HECW1: variants seen among roughly 807,000 people sequenced by gnomAD.
HECW1 encodes the protein E3 ubiquitin-protein ligase HECW1.
HECW1 carries 61 observed loss-of-function variants against 182.3 expected under a neutral mutation model. The observed-to-expected ratio is 0.33, with a 90% CI of 0.27 to 0.41. HECW1 has a LOEUF of 0.41. Ranked by LOEUF, HECW1 falls within the 10% of genes least tolerant of loss-of-function variation. The pLI, the probability that HECW1 is intolerant of heterozygous loss-of-function variation, is 1.00. For synonymous variants in HECW1, 859 were observed against 832.6 expected (o/e 1.03, Z -0.55); for missense variants, 1,739 against 2,108.9 (o/e 0.82, Z 3.44).
At chr7:43,308,307 TA>T (rs1048924319) in intron 3 of HECW1, among the ~76,000 whole-genome samples, 3 of 129,506 alleles carry the variant, frequency 2.3e-5, no homozygotes, top group African/African-American at 8.7e-5. Flanking sequence ...TTATATGATA[TA>T]TTTATATATT....
At chr7:43,453,497 T>C (rs2077302625) in intron 12 of HECW1, among the ~76,000 whole-genome samples, 1 of 152,208 alleles carries the variant, frequency 6.6e-6, no homozygotes, top group South Asian at 2.1e-4. Context: ...CATCCTGTGT[T>C]TGAGATGTCA....
At chr7:43,393,202 C>CA (rs758574351) in intron 6 of HECW1, among the ~76,000 whole-genome samples, 6 of 152,080 alleles carry the variant, frequency 3.9e-5, no homozygotes, top group Non-Finnish European at 7.4e-5. Flanking sequence ...CAACAGGACC[C>CA]AGCACCAAGC....
At chr7:43,153,049 A>G (rs7807881) in intron 2 of HECW1, among the ~76,000 whole-genome samples, 111,017 of 152,082 alleles carry the variant, frequency 0.73, 40,817 homozygotes, top group South Asian at 0.87. Context: ...CTTTCCCTAT[A>G]TACACCTTCT....
chr7:43,416,374 C>T (rs899740766), intron 8 of HECW1, among the ~76,000 whole-genome samples: 4 of 151,176 alleles, frequency 2.6e-5, no homozygotes, highest in African/African-American at 7.3e-5. Flanking sequence ...CTTGAGGAGG[C>T]AGTCTGCCGG....
intron 2 of HECW1, among the ~76,000 whole-genome samples, chr7:43,187,173 C>T (rs1276956690): frequency 6.6e-6 from 1 of 152,230 alleles, no homozygotes. Flanking sequence ...TAGGGCTGCT[C>T]AGTTGCCCTC....
chr7:43,201,692 C>G (rs1397375960), intron 2 of HECW1, among the ~76,000 whole-genome samples: 3 of 152,198 alleles, frequency 2.0e-5, no homozygotes, highest in Non-Finnish European at 1.5e-5. Context: ...CTCCTAGACT[C>G]TAGACTAGGG....
At chr7:43,476,740 A>C (rs369097486) in intron 16 of HECW1, among the ~76,000 whole-genome samples, 21 of 152,242 alleles carry the variant, frequency 1.4e-4, no homozygotes, top group African/African-American at 4.8e-4. Flanking sequence ...CTCTCTGAGA[A>C]AACTGTCAAA....
At chr7:43,222,685 A>T (rs552210276) in intron 2 of HECW1, among the ~76,000 whole-genome samples, 1 of 152,162 alleles carries the variant, frequency 6.6e-6, no homozygotes, top group Non-Finnish European at 1.5e-5. Context: ...TAGTCTGGAA[A>T]CCTGACATGT....
intron 2 of HECW1, among the ~76,000 whole-genome samples, chr7:43,158,752 C>A (rs775349606): frequency 1.3e-5 from 2 of 152,188 alleles, no homozygotes; most frequent in Non-Finnish European, 2.9e-5. Context: ...CAGTTACCAT[C>A]CCCTTGAGAC....
Position 43,563,874 on chromosome 7 carries a change from A to T in HECW1, c.*1948A>T, listed in dbSNP as rs35196555. The T allele has an allele frequency of 0.017, 3,086 of 181,380 alleles. 40 individuals carry two copies. Among genetic ancestry groups the T allele is most frequent in the South Asian group, 0.049 (247 of 5,078 alleles). The allele number at this position is 181,380 out of a possible 1,614,324, so 11.2% of individuals were successfully genotyped here. On this transcript the variant is annotated 3_prime_UTR_variant, in exon 30 of 30. Coordinates refer to ENST00000395891, the MANE Select transcript of HECW1 (RefSeq NM_015052.5). ...ATCAAGGGAGACACCATCTAAAAAA[A>T]AAATAAATAAAAATAAAAGCATTTT...
intron 8 of HECW1, among the ~76,000 whole-genome samples, chr7:43,411,544 A>G (rs1354622450): frequency 6.6e-6 from 1 of 152,098 alleles, no homozygotes; most frequent in African/African-American, 2.4e-5. Flanking sequence ...ATTGCTTTCT[A>G]TGTCTAGCTG....
chr7:43,186,138 C>T (rs1190940620), intron 2 of HECW1, among the ~76,000 whole-genome samples: 2 of 152,166 alleles, frequency 1.3e-5, no homozygotes, highest in Non-Finnish European at 2.9e-5. Flanking sequence ...TTAGAGGTCA[C>T]CTCTCTTAAA....
chr7:43,272,268 T>A (rs907499707), intron 3 of HECW1, among the ~76,000 whole-genome samples: 2 of 152,068 alleles, frequency 1.3e-5, no homozygotes, highest in African/African-American at 4.8e-5. Context: ...ATTCTGGACA[T>A]CAGCCTTAGG....
intron 29 of HECW1, among the ~76,000 whole-genome samples, chr7:43,556,570 C>A (rs189799506): frequency 6.6e-6 from 1 of 152,174 alleles, no homozygotes; most frequent in African/African-American, 2.4e-5. Flanking sequence ...CACCGGTAGT[C>A]CCAGCTATTT....
At chr7:43,501,174 CT>C in intron 20 of HECW1, 38 bp from the exon 21 acceptor site, 1 of 1,159,930 alleles carries the variant, frequency 8.6e-7, no homozygotes, top group East Asian at 2.6e-5. Context: ...AACTGACTTT[CT>C]TTTCTTTCTT....
intron 8 of HECW1, among the ~76,000 whole-genome samples, chr7:43,433,757 C>T (rs551211084): frequency 6.6e-6 from 1 of 152,184 alleles, no homozygotes; most frequent in Non-Finnish European, 1.5e-5. Context: ...TCTTTTCTGA[C>T]CCGAGTGCCA....
At chr7:43,312,227 G>T (rs375036690) in intron 4 of HECW1, 140 bp downstream of exon 4, 2 of 782,324 alleles carry the variant, frequency 2.6e-6, no homozygotes, top group East Asian at 2.7e-5. Flanking sequence ...GACCACTGTT[G>T]CATGACCTTG....
At chr7:43,273,380 T>A (rs990840869) in intron 3 of HECW1, among the ~76,000 whole-genome samples, 2 of 152,078 alleles carry the variant, frequency 1.3e-5, no homozygotes, top group Non-Finnish European at 2.9e-5. Flanking sequence ...TGCAGCAACA[T>A]AATGACAGAT....
At chr7:43,254,803 A>G (rs1162303768) in intron 3 of HECW1, among the ~76,000 whole-genome samples, 1 of 152,226 alleles carries the variant, frequency 6.6e-6, no homozygotes, top group Admixed American at 6.5e-5. Flanking sequence ...TGAAAACCAC[A>G]GAACCAACTG....
Sources: gnomAD v4.1 joint callset for allele counts (sites outside exome capture counted in the v4.1 genomes callset) on GRCh38, gnomAD v4.1.1 for gene constraint, MANE v1.5 for transcripts, NCBI Gene and HGNC (gene_info 2026-07-23, HGNC 2026-07-21) for gene names.